LOC128706665: variants seen among roughly 807,000 people sequenced by gnomAD.
the LOC128706665 span, among the ~76,000 whole-genome samples, chr20:10,430,041 AAAAAC>A: frequency 6.6e-6 from 1 of 151,840 alleles, no homozygotes; most frequent in Admixed American, 6.6e-5. Context: ...CAAAAAACAA[AAAAAC>A]AAAAACAAAA....
the LOC128706665 span, among the ~76,000 whole-genome samples, chr20:10,432,928 G>A: frequency 3.6e-4 from 55 of 152,008 alleles, no homozygotes; most frequent in Admixed American, 1.8e-3. Context: ...TTGTTACACT[G>A]CAGTGTTTAG....
the LOC128706665 span, among the ~76,000 whole-genome samples, chr20:10,417,829 C>G: frequency 1.3e-5 from 2 of 151,484 alleles, no homozygotes; most frequent in Admixed American, 6.6e-5. Flanking sequence ...GATATAATTA[C>G]GAGATTACAG....
chr20:10,419,959 T>A, the LOC128706665 span, among the ~76,000 whole-genome samples: 1 of 152,230 alleles, frequency 6.6e-6, no homozygotes, highest in Non-Finnish European at 1.5e-5. Flanking sequence ...GCAAATTGCC[T>A]CATGTCAGTT....
chr20:10,430,331 T>C, the LOC128706665 span, among the ~76,000 whole-genome samples: 1 of 152,344 alleles, frequency 6.6e-6, no homozygotes, highest in Admixed American at 6.5e-5. Context: ...AGTCACTTAA[T>C]CTCATTGTGC....
chr20:10,424,632 G>C, the LOC128706665 span, among the ~76,000 whole-genome samples: 3 of 152,092 alleles, frequency 2.0e-5, no homozygotes, highest in African/African-American at 7.2e-5. Context: ...TAGTTAGCGA[G>C]GTAATGTGTT....
chr20:10,432,365 A>C, the LOC128706665 span, among the ~76,000 whole-genome samples: 5 of 152,230 alleles, frequency 3.3e-5, no homozygotes, highest in African/African-American at 9.7e-5. Context: ...TCTGATTCTC[A>C]GGAAACCCAA....
At chr20:10,417,373 G>A in the LOC128706665 span, among the ~76,000 whole-genome samples, 5 of 152,204 alleles carry the variant, frequency 3.3e-5, no homozygotes, top group Non-Finnish European at 7.3e-5. Context: ...CACTTTGGGA[G>A]GCCAAGGCAG....
the LOC128706665 span, among the ~76,000 whole-genome samples, chr20:10,431,107 A>G: frequency 6.6e-6 from 1 of 152,226 alleles, no homozygotes; most frequent in Non-Finnish European, 1.5e-5. Flanking sequence ...GGAAGTGCTC[A>G]ATACACGGCA....
the LOC128706665 span, among the ~76,000 whole-genome samples, chr20:10,419,781 A>G: frequency 6.6e-6 from 1 of 152,350 alleles, no homozygotes; most frequent in East Asian, 1.9e-4. Context: ...GCGTGGATGA[A>G]GTAGAATATC....
At chr20:10,415,697 C>T in the LOC128706665 span, among the ~76,000 whole-genome samples, 1 of 152,228 alleles carries the variant, frequency 6.6e-6, no homozygotes, top group Non-Finnish European at 1.5e-5. Flanking sequence ...CTTACATACA[C>T]ACCCCACAAT....
the LOC128706665 span, among the ~76,000 whole-genome samples, chr20:10,419,391 G>A: frequency 4.6e-5 from 7 of 151,902 alleles, no homozygotes; most frequent in South Asian, 2.1e-4. Flanking sequence ...ATAGTATAAC[G>A]CTATATTATA....
the LOC128706665 span, among the ~76,000 whole-genome samples, chr20:10,421,416 C>CAAA: frequency 1.2e-5 from 1 of 86,106 alleles, no homozygotes; most frequent in Admixed American, 1.2e-4. Context: ...GACTCCATCA[C>CAAA]AAAAAAAAAA....
At chr20:10,417,245 TAAAAA>T in the LOC128706665 span, among the ~76,000 whole-genome samples, 1 of 132,418 alleles carries the variant, frequency 7.6e-6, no homozygotes. Context: ...GACTCCATCT[TAAAAA>T]AAAAAAAAAA....
the LOC128706665 span, among the ~76,000 whole-genome samples, chr20:10,428,114 T>A: frequency 6.6e-6 from 1 of 152,260 alleles, no homozygotes; most frequent in Non-Finnish European, 1.5e-5. Context: ...TCTCAAATAT[T>A]AAGCAAGTGA....
At chr20:10,422,287 C>T in the LOC128706665 span, among the ~76,000 whole-genome samples, 1 of 151,986 alleles carries the variant, frequency 6.6e-6, no homozygotes, top group African/African-American at 2.4e-5. Context: ...TATTTTATGG[C>T]CTTTTCCTTT....
chr20:10,431,891 TTC>T, the LOC128706665 span: 16 of 152,004 alleles, frequency 1.1e-4, no homozygotes, highest in African/African-American at 3.9e-4. Context: ...CAGAGAGCCT[TTC>T]TCTCAGCACT....
chr20:10,432,781 CTCTT>C, the LOC128706665 span, among the ~76,000 whole-genome samples: 218 of 88,202 alleles, frequency 2.5e-3, no homozygotes, highest in African/African-American at 7.1e-3. Context: ...CAGAGCGAGA[CTCTT>C]TGTCAAAAAA....
At chr20:10,433,537 C>A in the LOC128706665 span, among the ~76,000 whole-genome samples, 1 of 152,174 alleles carries the variant, frequency 6.6e-6, no homozygotes, top group East Asian at 1.9e-4. Flanking sequence ...GTCTCTGAAA[C>A]GGCAACAGGA....
chr20:10,431,699 G>C, the LOC128706665 span: 1 of 152,058 alleles, frequency 6.6e-6, no homozygotes, highest in African/African-American at 2.4e-5. Context: ...CTTTAGTTAC[G>C]GCAGGGAGTC....
Sources: allele counts gnomAD v4.1 joint callset (sites outside exome capture counted in the v4.1 genomes callset), GRCh38; gene constraint gnomAD v4.1.1; transcripts MANE v1.5.